The following MYO18A variants were observed in gnomAD, a reference collection of about 807,000 sequenced individuals.
MYO18A encodes the protein myosin XVIIIA.
Under a neutral mutation model 235.8 loss-of-function variants are expected in MYO18A, and 78 were observed. The observed-to-expected ratio is 0.33, with a 90% CI of 0.28 to 0.40. The LOEUF (loss-of-function observed/expected upper bound fraction) is 0.40, where lower values mean the gene tolerates loss of function less well. Ranked by LOEUF, MYO18A falls within the 10% of genes least tolerant of loss-of-function variation. MYO18A has a pLI of 1.00. For synonymous variants in MYO18A, 977 were observed against 1,077.8 expected (o/e 0.91, Z 1.83); for missense variants, 2,215 against 2,699.3 (o/e 0.82, Z 3.98).
Position 29,086,951 on chromosome 17 carries a change from G to A in MYO18A, c.5697C>T (p.Arg1899=). ...GGGGCATTACCAGTTCGTGCTTCTT[G>A]CGGCTCGCCTCGGCCTCCTTCCTGG... is the stretch of plus-strand genomic sequence containing the variant. ...ELARKEAEAS[R]KKHELEMDLE... The change falls in exon 38 of 42, where the codon CGC becomes CGT. Residue 1899 remains arginine, a synonymous_variant. Coordinates refer to ENST00000527372, the MANE Select transcript of MYO18A (RefSeq NM_078471.4). 1.9e-6 allele frequency: 3 copies of A among 1,610,420 alleles called. No individual in the cohort carries two copies. The highest frequency in any genetic ancestry group is 2.2e-5 in the South Asian group (2 of 90,870).
chr17:29,169,514 C>G (rs558459762), intron 1 of MYO18A, among the ~76,000 whole-genome samples: 1 of 152,246 alleles, frequency 6.6e-6, no homozygotes, highest in Admixed American at 6.5e-5. Context: ...CGGGGCTCTA[C>G]TGTGACAAGG....
At chr17:29,139,756 C>T (rs574083066) in intron 2 of MYO18A, among the ~76,000 whole-genome samples, 25 of 152,274 alleles carry the variant, frequency 1.6e-4, no homozygotes, top group South Asian at 6.2e-4. Flanking sequence ...ATCCCCAACA[C>T]GCCATCTGTG....
intron 1 of MYO18A, among the ~76,000 whole-genome samples, chr17:29,173,274 T>C (rs1598403697): frequency 6.6e-6 from 1 of 151,872 alleles, no homozygotes; most frequent in East Asian, 1.9e-4. Flanking sequence ...GTATTTTTAG[T>C]AGAGACGGGG....
At chr17:29,090,160 T>G in intron 36 of MYO18A, 62 bp from the exon 37 acceptor site, 1 of 1,554,158 alleles carries the variant, frequency 6.4e-7, no homozygotes, top group Non-Finnish European at 8.7e-7. Context: ...AGACTGCGTC[T>G]GGGGCAGGCA....
At chr17:29,138,788 G>A (rs772416794) in intron 2 of MYO18A, among the ~76,000 whole-genome samples, 1 of 152,172 alleles carries the variant, frequency 6.6e-6, no homozygotes, top group African/African-American at 2.4e-5. Context: ...TCTCCTGCGA[G>A]AGCCCTCCAC....
At chr17:29,079,684 G>A (rs1004302566) in intron 41 of MYO18A, 8 of 982,074 alleles carry the variant, frequency 8.1e-6, no homozygotes, top group East Asian at 1.1e-4. Flanking sequence ...AGTTCACACC[G>A]GGTGGGACAC....
intron 2 of MYO18A, among the ~76,000 whole-genome samples, chr17:29,150,730 G>A (rs886355217): frequency 9.2e-5 from 14 of 152,330 alleles, no homozygotes; most frequent in African/African-American, 3.4e-4. Context: ...GGGAGGTCTA[G>A]GCAGCAAGAT....
intron 41 of MYO18A, chr17:29,077,412 T>G (rs1365500983): frequency 6.6e-6 from 1 of 152,260 alleles, no homozygotes; most frequent in East Asian, 1.9e-4. Context: ...GGGCGGCAGC[T>G]CCCCTCCCCT....
rs1451315123 is a variant in MYO18A at position 29,071,539 on chromosome 17, G to T, written c.*3231C>A. ...CAGCACCTCTCTTTCCCTGCCCCAGGACCTTTACTTAAACTCTTCTTCTTC... is the reference window on the plus strand; with the variant it reads ...CAGCACCTCTCTTTCCCTGCCCCAGTACCTTTACTTAAACTCTTCTTCTTC... On this transcript the variant is annotated 3_prime_UTR_variant, in exon 42 of 42. Transcript: ENST00000527372. 1 of 152,294 alleles carries T rather than the reference G, an allele frequency of 6.6e-6. No individual in the cohort carries two copies. The highest frequency in any genetic ancestry group is 2.4e-5 in the African/African-American group (1 of 41,544). 9.4% of individuals were successfully genotyped at this position (152,294 alleles called of 1,614,324 possible). A position where few individuals can be genotyped will look rare whatever the true frequency, so the allele number is the denominator to read the frequency against.
chr17:29,154,111 T>TGC (rs2068013557), intron 2 of MYO18A, among the ~76,000 whole-genome samples: 1 of 147,372 alleles, frequency 6.8e-6, no homozygotes, highest in Non-Finnish European at 1.5e-5. Context: ...AGTGTGTGTG[T>TGC]GTGTGTGTGT....
chr17:29,085,677 G>A (rs2152735991), intron 39 of MYO18A, 29 bp from the exon 40 acceptor site: 6 of 1,612,914 alleles, frequency 3.7e-6, no homozygotes, highest in Non-Finnish European at 5.1e-6. Context: ...TGGTGGGCAA[G>A]GGGTCCAGAG....
intron 2 of MYO18A, chr17:29,129,164 G>C: frequency 8.0e-7 from 1 of 1,245,014 alleles, no homozygotes; most frequent in Non-Finnish European, 1.1e-6. Flanking sequence ...CCCAAGACAT[G>C]CCAGGCCTCC....
At chr17:29,160,614 G>A (rs1002007294) in intron 2 of MYO18A, among the ~76,000 whole-genome samples, 1 of 152,216 alleles carries the variant, frequency 6.6e-6, no homozygotes, top group African/African-American at 2.4e-5. Flanking sequence ...GCTCTGAAAG[G>A]TTTGATAACT....
Position 29,094,221 on chromosome 17 carries a change from C to T in MYO18A, c.4711-131G>A, listed in dbSNP as rs1052597686. On this transcript the variant is annotated intron_variant, in intron 30 of 41. Transcript: ENST00000527372. ...GCCAGTTCCCTTTGCTGGCACCTTG[C>T]TCCCGTGGCAGCAGCTTCTCCAGAG... 1.2e-5 allele frequency: 8 copies of T among 670,180 alleles called. No homozygotes were observed. The Admixed American group carries it at 1.3e-4, about 11-fold the overall frequency. The allele number at this position is 670,180 out of a possible 1,614,324, so 41.5% of individuals were successfully genotyped here.
intron 7 of MYO18A, among the ~76,000 whole-genome samples, chr17:29,119,824 G>A (rs1462681460): frequency 2.6e-5 from 4 of 151,822 alleles, no homozygotes; most frequent in South Asian, 2.1e-4. Flanking sequence ...TCAGCCTCCC[G>A]AAGTGCTGGG....
chr17:29,125,590 C>T lies in MYO18A; in HGVS notation c.1000-3337G>A, dbSNP rs2152874669. On this transcript the variant is annotated intron_variant, in intron 2 of 41. Transcript: ENST00000527372. The surrounding 1 kb of genome is among the most constrained non-coding windows in gnomAD (Gnocchi z 5.1). ...ATAGCGACAGCAACCTTCCTTACCACCCGCCAGGCCCTGACACCAACACAT... is the reference window on the plus strand; with the variant it reads ...ATAGCGACAGCAACCTTCCTTACCATCCGCCAGGCCCTGACACCAACACAT... 6.6e-6 allele frequency among the ~76,000 whole-genome samples: 1 copy of T among 152,374 alleles called. No homozygotes were observed. The highest frequency in any genetic ancestry group is 2.4e-5 in the African/African-American group (1 of 41,592).
At chr17:29,167,278 G>A (rs959009056) in intron 1 of MYO18A, among the ~76,000 whole-genome samples, 1 of 152,160 alleles carries the variant, frequency 6.6e-6, no homozygotes, top group Non-Finnish European at 1.5e-5. Context: ...CCAAAAAGGC[G>A]GTAAAAGCCC....
At chr17:29,095,160 T>G (rs1398431385) in intron 28 of MYO18A, 101 bp from the exon 29 acceptor site, 51 of 1,435,768 alleles carry the variant, frequency 3.6e-5, no homozygotes, top group Non-Finnish European at 4.5e-5. Flanking sequence ...CAAGCAGGGG[T>G]GGGGGGACCC....
intron 21 of MYO18A, 138 bp from the exon 22 acceptor site, chr17:29,099,900 G>T: frequency 8.0e-7 from 1 of 1,244,592 alleles, no homozygotes; most frequent in Non-Finnish European, 1.1e-6. Flanking sequence ...AAATCCAATT[G>T]TCCAAGAGAG....
Sources: gnomAD v4.1 joint callset for allele counts (sites outside exome capture counted in the v4.1 genomes callset) on GRCh38, gnomAD v4.1.1 for gene constraint, Gnocchi (gnomAD v3.1) non-coding constraint, MANE v1.5 for transcripts, NCBI Gene and HGNC (gene_info 2026-07-23, HGNC 2026-07-21) for gene names.